Variants in UMAD1 observed in about 807,000 individuals in gnomAD.
The protein encoded by UMAD1 is UBAP1-MVB12-associated (UMA)-domain containing protein 1.
UMAD1 carries 8 observed loss-of-function variants against 6.1 expected under a neutral mutation model. That is an observed-to-expected ratio of 1.30 (90% CI 0.76 to 2.35). UMAD1 has a LOEUF of 2.35. Ranked by LOEUF, UMAD1 falls within the 30% of genes most tolerant of loss-of-function variation. The pLI, the probability that UMAD1 is intolerant of heterozygous loss-of-function variation, is 0.00. For synonymous variants in UMAD1, 56 were observed against 31.4 expected (o/e 1.78, Z -2.61); for missense variants, 130 against 78.4 (o/e 1.66, Z -2.49).
chr7:7,709,452 A>G (rs1780692844), intron 2 of UMAD1, among the ~76,000 whole-genome samples: 1 of 152,232 alleles, frequency 6.6e-6, no homozygotes. Context: ...TTGCCACCCG[A>G]GGAGGGCAGA....
rs1179441046 is a variant in UMAD1, at chr7:7,878,497, T to G, written c.*959T>G. 4.6e-5 allele frequency: 7 copies of G among 152,226 alleles called. No homozygotes were observed. Among genetic ancestry groups the G allele is most frequent in the Admixed American group, 3.9e-4 (6 of 15,288 alleles). 9.4% of individuals were successfully genotyped at this position (152,226 alleles called of 1,614,324 possible). On this transcript the variant is annotated 3_prime_UTR_variant, in exon 4 of 4. Coordinates refer to ENST00000682710, the MANE Select transcript of UMAD1 (RefSeq NM_001302348.2). ...AGAGTATAGGCAGAACACCTAGATA[T>G]GACTTTTAGTTCTTGAATATCCATT...
rs147036344 is a variant in UMAD1, at chr7:7,779,561, G to C, written c.83-22109G>C. ...ACTAAGACCATCCTTCCACTTTAAAGTACTGAAATTACAGGCATGAGCCAC... is the reference window on the plus strand; with the variant it reads ...ACTAAGACCATCCTTCCACTTTAAACTACTGAAATTACAGGCATGAGCCAC... On this transcript the variant is annotated intron_variant, in intron 2 of 3. Coordinates refer to ENST00000682710, the MANE Select transcript of UMAD1 (RefSeq NM_001302348.2). Among the ~76,000 whole-genome samples, 18 of 152,264 alleles carry C rather than the reference G, an allele frequency of 1.2e-4. No individual in the cohort carries two copies. In the East Asian group the frequency reaches 3.5e-3, roughly 29 times the overall value.
rs188317538 is a variant in UMAD1 at position 7,851,205 on chromosome 7, G to T, written c.157-26076G>T. ...TTTCAGTTAGTGTAACGTTTTCAAGGGTCATCCTTGTTGAAGCAGTACTCC... is the reference window on the plus strand; with the variant it reads ...TTTCAGTTAGTGTAACGTTTTCAAGTGTCATCCTTGTTGAAGCAGTACTCC... On this transcript the variant is annotated intron_variant, in intron 3 of 3. Coordinates refer to ENST00000682710, the MANE Select transcript of UMAD1 (RefSeq NM_001302348.2). Among the ~76,000 whole-genome samples the T allele has an allele frequency of 1.4e-3, 207 of 152,024 alleles. 1 individual carries two copies. Among genetic ancestry groups the T allele is most frequent in the African/African-American group, 4.9e-3 (202 of 41,478 alleles).
chr7:7,831,635 T>C (rs1190554543), intron 3 of UMAD1, among the ~76,000 whole-genome samples: 1 of 152,196 alleles, frequency 6.6e-6, no homozygotes, highest in Non-Finnish European at 1.5e-5. Context: ...AGCCCGGAAC[T>C]GGGAGCCCTG....
At chr7:7,842,322 A>T (rs1026432873) in intron 3 of UMAD1, among the ~76,000 whole-genome samples, 2 of 152,186 alleles carry the variant, frequency 1.3e-5, no homozygotes, top group Admixed American at 1.3e-4. Context: ...ATTTCTACAC[A>T]TAATGGTTTT....
chr7:7,676,487 A>C (rs1160505044), intron 2 of UMAD1, among the ~76,000 whole-genome samples: 2 of 152,190 alleles, frequency 1.3e-5, no homozygotes, highest in Non-Finnish European at 2.9e-5. Context: ...CTTTTTGTAA[A>C]AAAAGTTATA....
intron 3 of UMAD1, among the ~76,000 whole-genome samples, chr7:7,818,129 C>T (rs776013859): frequency 2.0e-5 from 3 of 152,146 alleles, no homozygotes; most frequent in Non-Finnish European, 4.4e-5. Context: ...TTCTGCTTCT[C>T]TCCCTCCTCC....
At chr7:7,670,450 A>C (rs764564416) in intron 1 of UMAD1, among the ~76,000 whole-genome samples, 6 of 152,178 alleles carry the variant, frequency 3.9e-5, no homozygotes, top group Admixed American at 6.5e-5. Context: ...GGGAAGAGAA[A>C]ACTGTCCTAT....
intron 2 of UMAD1, among the ~76,000 whole-genome samples, chr7:7,753,046 C>T (rs1290204826): frequency 6.6e-6 from 1 of 152,150 alleles, no homozygotes; most frequent in Non-Finnish European, 1.5e-5. Context: ...AAAGACCCCT[C>T]CTCCACTCTC....
chr7:7,680,415 G>T (rs927177024), intron 2 of UMAD1, among the ~76,000 whole-genome samples: 1 of 151,978 alleles, frequency 6.6e-6, no homozygotes, highest in East Asian at 1.9e-4. Context: ...TTTTTATGCC[G>T]GTACTGTGCT....
chr7:7,650,806 A>G (rs977961107), intron 1 of UMAD1, among the ~76,000 whole-genome samples: 4 of 152,180 alleles, frequency 2.6e-5, no homozygotes, highest in African/African-American at 9.7e-5. Flanking sequence ...CATCACTGTT[A>G]AGTCCAAACT....
intron 3 of UMAD1, among the ~76,000 whole-genome samples, chr7:7,820,312 G>A (rs1783218351): frequency 6.6e-6 from 1 of 152,158 alleles, no homozygotes; most frequent in South Asian, 2.1e-4. Flanking sequence ...AAGTGATTAA[G>A]ATGAATACTC....
chr7:7,827,537 G>A (rs1563239542), intron 3 of UMAD1, among the ~76,000 whole-genome samples: 2 of 151,978 alleles, frequency 1.3e-5, no homozygotes, highest in Admixed American at 6.6e-5. Context: ...ATTTGAAGAG[G>A]AAATTTTATG....
chr7:7,646,257 A>G (rs1785090914), intron 1 of UMAD1, among the ~76,000 whole-genome samples: 1 of 152,006 alleles, frequency 6.6e-6, no homozygotes, highest in African/African-American at 2.4e-5. Context: ...TGGGCATTTT[A>G]TTGAGTGATG....
chr7:7,680,229 G>GAT (rs1779875166), intron 2 of UMAD1, among the ~76,000 whole-genome samples: 1 of 152,104 alleles, frequency 6.6e-6, no homozygotes, highest in Admixed American at 6.6e-5. Flanking sequence ...TGTGGCGAGA[G>GAT]ATAGGGGTCT....
In UMAD1 at chr7:7,878,477, A is replaced by T. The variant is rs138022119; in HGVS notation, c.*939A>T. 6.6e-6 allele frequency: 1 copy of T among 152,354 alleles called. No homozygotes were observed. The highest frequency in any genetic ancestry group is 1.9e-4 in the East Asian group (1 of 5,188). The allele number at this position is 152,354 out of a possible 1,614,324, so 9.4% of individuals were successfully genotyped here. ...AAATCAACTCATTTCCAATTAGAGTATAGGCAGAACACCTAGATATGACTT... is the reference window on the plus strand; with the variant it reads ...AAATCAACTCATTTCCAATTAGAGTTTAGGCAGAACACCTAGATATGACTT... On this transcript the variant is annotated 3_prime_UTR_variant, in exon 4 of 4. Transcript: ENST00000682710.
intron 1 of UMAD1, among the ~76,000 whole-genome samples, chr7:7,669,055 T>C (rs926603271): frequency 6.8e-6 from 1 of 147,396 alleles, no homozygotes; most frequent in South Asian, 2.1e-4. Flanking sequence ...TCTACACATA[T>C]ATAGACAGTG....
intron 2 of UMAD1, among the ~76,000 whole-genome samples, chr7:7,750,626 G>C (rs1383472450): frequency 4.6e-5 from 7 of 152,150 alleles, no homozygotes; most frequent in African/African-American, 1.7e-4. Context: ...GTTCTAAGTA[G>C]TTACAAACAT....
At chr7:7,662,741 A>G (rs914707973) in intron 1 of UMAD1, among the ~76,000 whole-genome samples, 9 of 151,142 alleles carry the variant, frequency 6.0e-5, no homozygotes, top group African/African-American at 1.2e-4. Context: ...GGAACTGCAG[A>G]TGGAGCTGTT....
Sources: gnomAD v4.1 joint callset for allele counts (sites outside exome capture counted in the v4.1 genomes callset) on GRCh38, gnomAD v4.1.1 for gene constraint, MANE v1.5 for transcripts, NCBI Gene and HGNC (gene_info 2026-07-23, HGNC 2026-07-21) for gene names.